The following ADGRD1 variants were observed in gnomAD, a reference collection of about 807,000 sequenced individuals.
ADGRD1 encodes the protein adhesion G protein-coupled receptor D1.
ADGRD1 carries 77 observed loss-of-function variants against 113.4 expected under a neutral mutation model. The ratio of observed to expected loss-of-function variants is 0.68; its 90% CI spans 0.57 to 0.82. ADGRD1 has a LOEUF of 0.82. Ranked by LOEUF, ADGRD1 falls within the 40% of genes least tolerant of loss-of-function variation. The probability of loss-of-function intolerance (pLI) is 0.00; values close to 1 mark genes in which losing one functional copy is unlikely to be tolerated. For synonymous variants in ADGRD1, 474 were observed against 475.0 expected, an observed-to-expected ratio of 1.00 and a Z score of 0.03; for missense variants, 1,036 against 1,139.1, an observed-to-expected ratio of 0.91 and a Z score of 1.30.
intron 13 of ADGRD1, among the ~76,000 whole-genome samples, chr12:131,059,348 T>G (rs928644542): frequency 5.3e-5 from 8 of 152,060 alleles, no homozygotes; most frequent in African/African-American, 1.9e-4. Context: ...CCAGCTAATT[T>G]TTTTGTATTT....
intron 13 of ADGRD1, among the ~76,000 whole-genome samples, chr12:131,066,243 C>T (rs533847288): frequency 1.1e-4 from 17 of 152,208 alleles, no homozygotes; most frequent in Admixed American, 3.3e-4. Flanking sequence ...GCCGCTCATC[C>T]TCTGCCACGG....
At chr12:131,072,341 G>A (rs937382826) in intron 13 of ADGRD1, among the ~76,000 whole-genome samples, 3 of 152,212 alleles carry the variant, frequency 2.0e-5, no homozygotes, top group African/African-American at 7.2e-5. Context: ...GCAAACTGAA[G>A]CTTCTTGGTC....
intron 20 of ADGRD1, 47 bp from the exon 21 acceptor site, chr12:131,131,678 G>C: frequency 7.4e-7 from 1 of 1,354,874 alleles, no homozygotes. Flanking sequence ...CTCTCCTGCA[G>C]GTGCAGCCCA....
chr12:131,095,021 C>G lies in ADGRD1; in HGVS notation c.1672-9810C>G, dbSNP rs536761006. On this transcript the variant is annotated intron_variant, in intron 15 of 24. Transcript: ENST00000261654. ...AGACGCCCCCTCTCAGCCCCCAGGG[C>G]CCTCCCCTGTACCCTGTGGCCTGTG... Among the ~76,000 whole-genome samples the G allele has an allele frequency of 9.5e-4, 145 of 152,112 alleles. 1 individual carries two copies. Among genetic ancestry groups the G allele is most frequent in the Middle Eastern group, 3.4e-3 (1 of 294 alleles).
intron 13 of ADGRD1, among the ~76,000 whole-genome samples, chr12:131,064,189 G>A (rs1884546571): frequency 6.6e-6 from 1 of 152,146 alleles, no homozygotes; most frequent in African/African-American, 2.4e-5. Context: ...GTGCTGGCTG[G>A]AATCCTCAGT....
At chr12:131,131,613 AGCCCTG>A in intron 20 of ADGRD1, 106 bp from the exon 21 acceptor site, 1 of 697,976 alleles carries the variant, frequency 1.4e-6, no homozygotes, top group Non-Finnish European at 2.5e-6. Context: ...GTGTCCCAGG[AGCCCTG>A]GCTGGGCAGG....
At chr12:131,100,999 A>G (rs1950058249) in intron 15 of ADGRD1, among the ~76,000 whole-genome samples, 1 of 152,146 alleles carries the variant, frequency 6.6e-6, no homozygotes, top group Non-Finnish European at 1.5e-5. Context: ...TCTGGTTACC[A>G]TTGTTCCCAG....
intron 20 of ADGRD1, among the ~76,000 whole-genome samples, 178 bp downstream of exon 20, chr12:131,121,091 G>C (rs1950582131): frequency 6.6e-6 from 1 of 152,238 alleles, no homozygotes; most frequent in Non-Finnish European, 1.5e-5. Flanking sequence ...TTATTTCCCG[G>C]AATGCTCAGG....
At chr12:131,117,759 A>G (rs1950503304) in intron 18 of ADGRD1, among the ~76,000 whole-genome samples, 1 of 152,186 alleles carries the variant, frequency 6.6e-6, no homozygotes, top group Admixed American at 6.5e-5. Flanking sequence ...GGGCTCAAAT[A>G]CTGTAAGAAT....
At chr12:131,135,375 G>C (rs532692408) in intron 21 of ADGRD1, among the ~76,000 whole-genome samples, 2 of 152,168 alleles carry the variant, frequency 1.3e-5, no homozygotes, top group Non-Finnish European at 2.9e-5. Context: ...TGCTGATGGG[G>C]CTGGTGTGTT....
chr12:131,078,625 G>C (rs755210423), intron 14 of ADGRD1, among the ~76,000 whole-genome samples: 2 of 152,160 alleles, frequency 1.3e-5, no homozygotes, highest in Non-Finnish European at 2.9e-5. Flanking sequence ...TAAGAACATA[G>C]AAAAGTACGG....
intron 13 of ADGRD1, among the ~76,000 whole-genome samples, chr12:131,020,407 G>C (rs1879194333): frequency 6.6e-6 from 1 of 152,252 alleles, no homozygotes; most frequent in Non-Finnish European, 1.5e-5. Context: ...CTCCGGCCAG[G>C]GCAGGGCTCT....
At chr12:131,089,104 A>G (rs1045814269) in intron 15 of ADGRD1, among the ~76,000 whole-genome samples, 1 of 152,178 alleles carries the variant, frequency 6.6e-6, no homozygotes, top group East Asian at 1.9e-4. Flanking sequence ...CGGCTGCAGC[A>G]ACTGTTACCA....
chr12:131,091,288 G>A (rs1886890567), intron 15 of ADGRD1, among the ~76,000 whole-genome samples: 1 of 152,152 alleles, frequency 6.6e-6, no homozygotes, highest in South Asian at 2.1e-4. Flanking sequence ...GAATCAGCAA[G>A]TAAGATGACA....
chr12:130,967,536 G>A (rs973754542), intron 3 of ADGRD1: 1 of 152,766 alleles, frequency 6.5e-6, no homozygotes, highest in Admixed American at 6.5e-5. Context: ...CCTGTTCCGT[G>A]GGAGGCGTTT....
rs765101760 is a variant in ADGRD1, at chr12:130,987,272, G to A, written c.668G>A (p.Gly223Asp). 6.2e-7 allele frequency: 1 copy of A among 1,614,202 alleles called. No individual in the cohort carries two copies. Among genetic ancestry groups the A allele is most frequent in the South Asian group, 1.1e-5 (1 of 91,072 alleles). The change falls in exon 6 of 25, where the codon GGT becomes GAT. Residue 223 changes from glycine (G) to aspartate (D), a missense_variant. Physicochemically the swap from Gly to Asp is moderately conservative, Grantham distance 94 (BLOSUM62 -1). Coordinates refer to ENST00000261654, the MANE Select transcript of ADGRD1 (RefSeq NM_198827.5). ...GACCAGGCCAAGTGTTATGAGAACG[G>A]TGCTTTCGATGAGTTCATCATCTGG... ...EQDQAKCYEN[G>D]AFDEFIIWER...
intron 10 of ADGRD1, 75 bp from the exon 11 acceptor site, chr12:131,004,111 G>A (rs942286275): frequency 2.1e-5 from 18 of 864,016 alleles, no homozygotes; most frequent in South Asian, 7.0e-5. Flanking sequence ...AAAAGCAGAC[G>A]GGGTTTTGCA....
chr12:131,138,780 G>A (rs1951172842), intron 24 of ADGRD1, among the ~76,000 whole-genome samples: 1 of 152,236 alleles, frequency 6.6e-6, no homozygotes, highest in Admixed American at 6.5e-5. Flanking sequence ...TGGCTCATGG[G>A]CTGCTCTAGC....
chr12:131,067,131 A>T (rs1459549128), intron 13 of ADGRD1, among the ~76,000 whole-genome samples: 1 of 152,004 alleles, frequency 6.6e-6, no homozygotes, highest in East Asian at 1.9e-4. Flanking sequence ...AAGTTGAAGG[A>T]CAGAGTGGCC....
Sources: gnomAD v4.1 joint callset for allele counts (sites outside exome capture counted in the v4.1 genomes callset) on GRCh38, gnomAD v4.1.1 for gene constraint, MANE v1.5 for transcripts, NCBI Gene and HGNC (gene_info 2026-07-23, HGNC 2026-07-21) for gene names.